Variants in LUZP2 observed in about 807,000 individuals in gnomAD.
The protein encoded by LUZP2 is leucine zipper protein 2.
Under a neutral mutation model 51.6 loss-of-function variants are expected in LUZP2, and 52 were observed. That is an observed-to-expected ratio of 1.01 (90% CI 0.81 to 1.27). The LOEUF (loss-of-function observed/expected upper bound fraction) is 1.27. Ranked by LOEUF, LUZP2 falls within the 50% of genes most tolerant of loss-of-function variation. The probability of loss-of-function intolerance (pLI) is 0.00; values close to 1 mark genes in which losing one functional copy is unlikely to be tolerated. For missense variants in LUZP2, 436 were observed against 395.4 expected, an observed-to-expected ratio of 1.10 and a Z score of -0.87; for synonymous variants, 154 against 137.3, an observed-to-expected ratio of 1.12 and a Z score of -0.85.
chr11:24,969,213 C>T (rs958803471), intron 7 of LUZP2, among the ~76,000 whole-genome samples: 2 of 152,026 alleles, frequency 1.3e-5, no homozygotes, highest in Non-Finnish European at 2.9e-5. Flanking sequence ...TCTTTGTGTT[C>T]CTATGTTCTT....
chr11:24,559,634 A>T (rs1851972245), intron 1 of LUZP2, among the ~76,000 whole-genome samples: 1 of 152,212 alleles, frequency 6.6e-6, no homozygotes, highest in Non-Finnish European at 1.5e-5. Context: ...TACATAAAGT[A>T]GGTTTAAATA....
chr11:25,048,556 T>C (rs978783902), intron 9 of LUZP2, among the ~76,000 whole-genome samples: 1 of 152,190 alleles, frequency 6.6e-6, no homozygotes, highest in African/African-American at 2.4e-5. Flanking sequence ...GGCTTGTTCA[T>C]TGGCTTGATT....
chr11:24,535,969 C>T (rs943160677), intron 1 of LUZP2, among the ~76,000 whole-genome samples: 2 of 151,548 alleles, frequency 1.3e-5, no homozygotes, highest in Non-Finnish European at 3.0e-5. Context: ...ATAGGATGAA[C>T]GTTGTGTTAG....
chr11:24,660,468 A>G (rs1855980609), intron 1 of LUZP2, among the ~76,000 whole-genome samples: 1 of 150,636 alleles, frequency 6.6e-6, no homozygotes, highest in Non-Finnish European at 1.5e-5. Context: ...TTTTTGATGG[A>G]AAAAAATACC....
rs112500675 is a variant in LUZP2 at position 25,080,321 on chromosome 11, G to A, written c.*1663G>A. On this transcript the variant is annotated 3_prime_UTR_variant, in exon 12 of 12. Coordinates refer to ENST00000336930, the MANE Select transcript of LUZP2 (RefSeq NM_001009909.4). ...AGGATGAGGTATATGTTCTGAGCAC[G>A]TTTAAGCAGGTTTAAGTTAGGGTGG... 4 of 152,258 alleles carry A rather than the reference G, an allele frequency of 2.6e-5. No homozygotes were observed. Among genetic ancestry groups the A allele is most frequent in the African/African-American group, 9.6e-5 (4 of 41,554 alleles). 9.4% of individuals were successfully genotyped at this position (152,258 alleles called of 1,614,324 possible).
intron 4 of LUZP2, among the ~76,000 whole-genome samples, chr11:24,760,633 G>A (rs1001017050): frequency 1.3e-5 from 2 of 152,116 alleles, no homozygotes; most frequent in Non-Finnish European, 2.9e-5. Flanking sequence ...CTGAGGAAAT[G>A]GTAATGTCTG....
chr11:24,939,534 C>T (rs1466759170), intron 7 of LUZP2, among the ~76,000 whole-genome samples: 7 of 150,166 alleles, frequency 4.7e-5, no homozygotes, highest in Non-Finnish European at 8.9e-5. Context: ...TAGGTATTTA[C>T]TAAATATTCA....
intron 5 of LUZP2, among the ~76,000 whole-genome samples, chr11:24,875,150 G>A (rs1344059766): frequency 6.6e-6 from 1 of 151,224 alleles, no homozygotes; most frequent in African/African-American, 2.4e-5. Context: ...TGTGCACAAT[G>A]TGCAGGTTAG....
intron 7 of LUZP2, among the ~76,000 whole-genome samples, chr11:24,973,233 G>T (rs1184343545): frequency 6.6e-6 from 1 of 151,180 alleles, no homozygotes; most frequent in Non-Finnish European, 1.5e-5. Flanking sequence ...GTGCATAGAG[G>T]TGTTTATAGT....
intron 5 of LUZP2, among the ~76,000 whole-genome samples, chr11:24,771,208 A>G (rs765965348): frequency 2.0e-5 from 3 of 151,594 alleles, no homozygotes; most frequent in Non-Finnish European, 4.4e-5. Flanking sequence ...ATAAATTAGT[A>G]ACCTGTGTAT....
intron 1 of LUZP2, among the ~76,000 whole-genome samples, chr11:24,629,551 T>TAA (rs1477404058): frequency 6.8e-6 from 1 of 146,066 alleles, no homozygotes; most frequent in Non-Finnish European, 1.5e-5. Flanking sequence ...TTCCATTGCA[T>TAA]ATATATATAT....
chr11:24,497,647 AG>A (rs1429283177), intron 1 of LUZP2, among the ~76,000 whole-genome samples: 1 of 152,200 alleles, frequency 6.6e-6, no homozygotes, highest in Non-Finnish European at 1.5e-5. Context: ...ATAGGCAAGG[AG>A]GGAATTGCCA....
chr11:24,908,599 G>C (rs1380695887), intron 6 of LUZP2, among the ~76,000 whole-genome samples: 1 of 152,002 alleles, frequency 6.6e-6, no homozygotes, highest in East Asian at 1.9e-4. Flanking sequence ...TCAAAATGTT[G>C]CTAACAAGTT....
intron 7 of LUZP2, among the ~76,000 whole-genome samples, chr11:24,941,340 T>C (rs946813686): frequency 1.1e-4 from 17 of 152,226 alleles, no homozygotes; most frequent in African/African-American, 4.1e-4. Flanking sequence ...TATTTATGTT[T>C]CACCTCTTTA....
At position 24,533,269 on chromosome 11, in the gene LUZP2, C is replaced by T. The variant is rs1020801675; in HGVS notation, c.62+35964C>T. ...ATTCAATTCTGTGTGTGGGAAGTTC[C>T]ACATATTTTTCTTTTGTCTTCTCAG... On this transcript the variant is annotated intron_variant, in intron 1 of 11. Coordinates refer to ENST00000336930, the MANE Select transcript of LUZP2 (RefSeq NM_001009909.4). Among the ~76,000 whole-genome samples, 10 of 151,198 alleles carry T rather than the reference C, an allele frequency of 6.6e-5. 1 individual carries two copies. The highest frequency in any genetic ancestry group is 2.4e-4 in the African/African-American group (10 of 41,322).
chr11:25,071,941 T>C (rs1455132302), intron 10 of LUZP2, among the ~76,000 whole-genome samples: 1 of 152,038 alleles, frequency 6.6e-6, no homozygotes, highest in Non-Finnish European at 1.5e-5. Flanking sequence ...GCACCTGAAA[T>C]AATTAAACAA....
intron 9 of LUZP2, among the ~76,000 whole-genome samples, chr11:25,039,713 C>A (rs1473445878): frequency 6.6e-6 from 1 of 152,212 alleles, no homozygotes; most frequent in Non-Finnish European, 1.5e-5. Context: ...AGTAGTCCCC[C>A]AGTCCCTTCA....
intron 1 of LUZP2, among the ~76,000 whole-genome samples, chr11:24,526,574 A>T (rs1418202321): frequency 6.6e-6 from 1 of 151,172 alleles, no homozygotes; most frequent in African/African-American, 2.4e-5. Flanking sequence ...CTTTTCATTT[A>T]ACTATGTTCC....
At chr11:24,500,511 A>G (rs1381248908) in intron 1 of LUZP2, among the ~76,000 whole-genome samples, 4 of 152,212 alleles carry the variant, frequency 2.6e-5, no homozygotes, top group Non-Finnish European at 4.4e-5. Context: ...TTCACTTCAG[A>G]AAGAAGCAGT....
Sources: gnomAD v4.1 joint callset for allele counts (sites outside exome capture counted in the v4.1 genomes callset) on GRCh38, gnomAD v4.1.1 for gene constraint, MANE v1.5 for transcripts, NCBI Gene and HGNC (gene_info 2026-07-23, HGNC 2026-07-21) for gene names.